Variants in MADD observed in about 807,000 individuals in gnomAD.
MADD encodes the protein MAP kinase activating death domain.
MADD carries 109 observed loss-of-function variants against 176.7 expected under a neutral mutation model. That is an observed-to-expected ratio of 0.62 (90% CI 0.53 to 0.72). The LOEUF (loss-of-function observed/expected upper bound fraction) is 0.72, where lower values mean the gene tolerates loss of function less well. MADD is among the 30% of genes least tolerant of loss of function. The pLI is 0.00. For synonymous variants in MADD, 771 were observed against 771.3 expected, an observed-to-expected ratio of 1.00 and a Z score of 0.01; for missense variants, 1,914 against 2,045.5, an observed-to-expected ratio of 0.94 and a Z score of 1.24.
chr11:47,311,937 C>A, intron 26 of MADD, 95 bp downstream of exon 29: 2 of 726,152 alleles, frequency 2.8e-6, no homozygotes, highest in Non-Finnish European at 4.8e-6. Flanking sequence ...GAAAATGGAG[C>A]AGTTGTCTTT....
chr11:47,328,669 AAAG>A (rs751584887), exon 32 of MADD: 2 of 1,614,216 alleles, frequency 1.2e-6, no homozygotes, highest in Non-Finnish European at 1.7e-6. Flanking sequence ...TCCTGAAATT[AAAG>A]AAGTGGTGAG....
chr11:47,292,657 C>T (rs1265955254), intron 19 of MADD, 61 bp downstream of exon 21: 10 of 1,535,174 alleles, frequency 6.5e-6, no homozygotes, highest in Non-Finnish European at 9.0e-6. Context: ...TCCCCAGGCC[C>T]AGTTGGGGCA....
chr11:47,284,602 C>A (rs760421833), intron 12 of MADD, 37 bp downstream of exon 12: 1 of 1,601,532 alleles, frequency 6.2e-7, no homozygotes, highest in South Asian at 1.1e-5. Context: ...GAACCATGGC[C>A]TGGGATGTGG....
At chr11:47,301,576 T>C (rs1328442594) in intron 22 of MADD, among the ~76,000 whole-genome samples, 1 of 152,238 alleles carries the variant, frequency 6.6e-6, no homozygotes, top group Non-Finnish European at 1.5e-5. Context: ...TGCTATAAGC[T>C]TCTTTCTTAA....
chr11:47,284,325 G>A, intron 11 of MADD, 44 bp downstream of exon 11: 2 of 1,613,368 alleles, frequency 1.2e-6, no homozygotes, highest in Non-Finnish European at 1.7e-6. Context: ...GCAGGGGTTG[G>A]GGGCCCAAGG....
At chr11:47,274,683 C>T in exon 3 of MADD, 1 of 1,614,210 alleles carries the variant, frequency 6.2e-7, no homozygotes, top group Non-Finnish European at 8.5e-7. Context: ...CCGAGGGCTG[C>T]CTGAGCGTGC....
chr11:47,293,582 C>T lies in MADD; in HGVS notation c.3302-301C>T, dbSNP rs907119855. On this transcript the variant is annotated intron_variant, in intron 19 of 32. Coordinates refer to ENST00000402192, the Ensembl canonical transcript of MADD. ...CCTCCCAAAGTGCTGGGATTACAGT[C>T]GTGAGCCACCATGCCCAGCCTTGTG... Among the ~76,000 whole-genome samples the T allele has an allele frequency of 3.9e-5, 6 of 152,242 alleles. No homozygotes were observed. In the South Asian group the frequency reaches 1.0e-3, roughly 26 times the overall value.
At position 47,315,383 on chromosome 11, in the gene MADD, CAT is replaced by C; in HGVS notation, c.4197+58_4197+59del. ...GGGCTATTGAGAGTCACAGGGAACTCATAGGACCGATGCCAGGATATTTTTCT... is the reference window on the plus strand; with the variant it reads ...GGGCTATTGAGAGTCACAGGGAACTCAGGACCGATGCCAGGATATTTTTCT... On this transcript the variant is annotated intron_variant, in intron 27 of 32. Transcript: ENST00000402192. 3 of 927,304 alleles carry C rather than the reference CAT, an allele frequency of 3.2e-6. No homozygotes were observed. In the South Asian group the frequency reaches 4.2e-5, roughly 13 times the overall value. 57.4% of individuals were successfully genotyped at this position (927,304 alleles called of 1,614,324 possible).
intron 15 of MADD, among the ~76,000 whole-genome samples, chr11:47,287,053 C>T (rs967092061): frequency 2.0e-5 from 3 of 152,206 alleles, no homozygotes; most frequent in Non-Finnish European, 2.9e-5. Flanking sequence ...AAGCCAGGCG[C>T]GGTGGCTCAC....
chr11:47,320,108 T>A (rs1320880634), intron 27 of MADD, among the ~76,000 whole-genome samples: 1 of 150,966 alleles, frequency 6.6e-6, no homozygotes, highest in African/African-American at 2.4e-5. Flanking sequence ...AGCCATTAGA[T>A]GTCGTATGGT....
intron 26 of MADD, 34 bp from the exon 30 acceptor site, chr11:47,315,186 T>G (rs761358415): frequency 7.5e-7 from 1 of 1,330,690 alleles, no homozygotes; most frequent in Non-Finnish European, 1.1e-6. Flanking sequence ...GAGAGGGATG[T>G]ATGACTGTCC....
chr11:47,313,015 C>A (rs2090700829), intron 26 of MADD, among the ~76,000 whole-genome samples: 1 of 152,150 alleles, frequency 6.6e-6, no homozygotes. Flanking sequence ...AATTAATAAA[C>A]CATGGTTATT....
chr11:47,285,315 A>G, intron 13 of MADD, 121 bp downstream of exon 13: 2 of 1,539,594 alleles, frequency 1.3e-6, no homozygotes, highest in South Asian at 2.4e-5. Context: ...TGCCATCCCC[A>G]GAGGATGGTG....
At chr11:47,283,906 C>G (rs1347811241) in intron 10 of MADD, among the ~76,000 whole-genome samples, 1 of 152,238 alleles carries the variant, frequency 6.6e-6, no homozygotes, top group African/African-American at 2.4e-5. Context: ...TGGTGTTTCA[C>G]CATGTTTGCC....
At chr11:47,279,986 C>T (rs1565300313) in intron 7 of MADD, among the ~76,000 whole-genome samples, 1 of 152,162 alleles carries the variant, frequency 6.6e-6, no homozygotes, top group East Asian at 1.9e-4. Flanking sequence ...AGAAGAATCA[C>T]TTGAACCCAG....
intron 5 of MADD, among the ~76,000 whole-genome samples, chr11:47,277,072 G>T (rs1048182209): frequency 1.3e-5 from 2 of 152,134 alleles, no homozygotes; most frequent in Admixed American, 1.3e-4. Flanking sequence ...ATGACTGTAG[G>T]CCACTGGCTA....
chr11:47,308,577 C>G lies in MADD; in HGVS notation c.3643-14C>G, dbSNP rs748397921. The G allele has an allele frequency of 1.8e-5, 29 of 1,608,902 alleles. No individual in the cohort carries two copies. In the South Asian group the frequency reaches 3.0e-4, roughly 16 times the overall value. On this transcript the variant is annotated splice_polypyrimidine_tract_variant and intron_variant, in intron 22 of 32. Transcript: ENST00000402192. ...GCTACCTCTGGCCACTGACCTATCA[C>G]CTCTTCTCTCTAGGGTAAAGCCCAC...
At chr11:47,274,702 C>A in exon 3 of MADD, 1 of 1,614,218 alleles carries the variant, frequency 6.2e-7, no homozygotes, top group East Asian at 2.2e-5. Context: ...GCGGCAGCGG[C>A]GCATGAGCCT....
chr11:47,274,583 TG>T lies in MADD; in HGVS notation c.85del (p.Ala29ProfsTer24). ...TTCAGGCACCCGAGCAGTGATAGCGTGGCCCAGACTCCTGAATTGCTACGGC... is the reference window on the plus strand; with the variant it reads ...TTCAGGCACCCGAGCAGTGATAGCGTGCCCAGACTCCTGAATTGCTACGGC... On this transcript the variant is annotated frameshift_variant, in exon 3 of 33. Coordinates refer to ENST00000402192, the Ensembl canonical transcript of MADD. LOFTEE classifies it high-confidence loss of function. The T allele has an allele frequency of 6.2e-7, 1 of 1,612,576 alleles. No individual in the cohort carries two copies. Among genetic ancestry groups the T allele is most frequent in the Non-Finnish European group, 8.5e-7 (1 of 1,178,662 alleles).
Sources: gnomAD v4.1 joint callset for allele counts (sites outside exome capture counted in the v4.1 genomes callset) on GRCh38, gnomAD v4.1.1 for gene constraint, MANE v1.5 for transcripts, NCBI Gene and HGNC (gene_info 2026-07-23, HGNC 2026-07-21) for gene names.